The following ELMO1 variants were observed in gnomAD, a reference collection of about 807,000 sequenced individuals.
The protein encoded by ELMO1 is engulfment and cell motility protein 1.
Under a neutral mutation model 98.9 loss-of-function variants are expected in ELMO1, and 26 were observed. That is an observed-to-expected ratio of 0.26 (90% CI 0.19 to 0.36). The LOEUF (loss-of-function observed/expected upper bound fraction) is 0.36, where lower values mean the gene tolerates loss of function less well. ELMO1 is among the 10% of genes least tolerant of loss of function. ELMO1 has a pLI of 1.00. For missense variants in ELMO1, 627 were observed against 935.2 expected (o/e 0.67, Z 4.30); for synonymous variants, 346 against 346.0 (o/e 1.00, Z 0.00).
intron 2 of ELMO1, among the ~76,000 whole-genome samples, chr7:37,317,247 C>T (rs768207997): frequency 3.3e-5 from 5 of 152,178 alleles, no homozygotes; most frequent in Non-Finnish European, 7.3e-5. Context: ...CTGCTAAAGG[C>T]CCAGTTCAGT....
chr7:37,293,489 T>A (rs9638929), intron 4 of ELMO1, among the ~76,000 whole-genome samples: 14 of 102,074 alleles, frequency 1.4e-4, no homozygotes, highest in African/African-American at 3.6e-4. Flanking sequence ...GCGGTGCAAG[T>A]TGTGCTTTGT....
intron 16 of ELMO1, among the ~76,000 whole-genome samples, chr7:36,913,545 C>T (rs1033317764): frequency 3.3e-5 from 5 of 152,166 alleles, no homozygotes; most frequent in African/African-American, 1.2e-4. Flanking sequence ...TCTTACTGTC[C>T]TTACAGTAGA....
At chr7:37,158,424 T>C (rs560952610) in intron 13 of ELMO1, among the ~76,000 whole-genome samples, 3 of 152,254 alleles carry the variant, frequency 2.0e-5, no homozygotes, top group Non-Finnish European at 2.9e-5. Context: ...AAAGGACTAA[T>C]ATCCAGAATT....
intron 4 of ELMO1, among the ~76,000 whole-genome samples, chr7:37,314,568 A>G (rs1183863712): frequency 1.3e-5 from 2 of 152,218 alleles, no homozygotes; most frequent in Non-Finnish European, 2.9e-5. Context: ...ATTAAGTATC[A>G]AATAAATTCT....
intron 15 of ELMO1, among the ~76,000 whole-genome samples, chr7:37,053,282 TAAAACACAC>T (rs1206612544): frequency 3.6e-5 from 4 of 110,322 alleles, no homozygotes; most frequent in Non-Finnish European, 5.5e-5. Context: ...TTTCATTTGT[TAAAACACAC>T]ACACACACAC....
intron 16 of ELMO1, among the ~76,000 whole-genome samples, chr7:36,936,533 C>T (rs377340318): frequency 1.3e-5 from 2 of 152,184 alleles, no homozygotes; most frequent in South Asian, 2.1e-4. Flanking sequence ...TCATGGCTCA[C>T]TGCAGCCTCC....
chr7:37,302,391 C>A (rs921478483), intron 4 of ELMO1, among the ~76,000 whole-genome samples: 1 of 152,046 alleles, frequency 6.6e-6, no homozygotes, highest in Non-Finnish European at 1.5e-5. Context: ...TAGGTCATAA[C>A]GAGCCATGCA....
At chr7:36,879,518 C>T (rs1169412942) in intron 18 of ELMO1, among the ~76,000 whole-genome samples, 1 of 152,154 alleles carries the variant, frequency 6.6e-6, no homozygotes, top group African/African-American at 2.4e-5. Context: ...CACTGCAAAC[C>T]CATGGTTTAA....
chr7:36,942,460 C>T (rs1787123962), intron 16 of ELMO1, among the ~76,000 whole-genome samples: 1 of 152,196 alleles, frequency 6.6e-6, no homozygotes, highest in South Asian at 2.1e-4. Context: ...TGTAGTGAGG[C>T]TTAAAAGCAA....
intron 13 of ELMO1, among the ~76,000 whole-genome samples, chr7:37,148,371 T>C (rs1319607494): frequency 6.6e-6 from 1 of 152,218 alleles, no homozygotes; most frequent in Non-Finnish European, 1.5e-5. Context: ...AGGCAAACTT[T>C]CCTAGTTAAA....
chr7:37,278,964 G>C (rs1409519703), intron 4 of ELMO1, among the ~76,000 whole-genome samples: 5 of 152,112 alleles, frequency 3.3e-5, no homozygotes, highest in African/African-American at 1.2e-4. Context: ...CACTTTGGGA[G>C]GCCCAGGCCG....
At chr7:37,120,735 C>T (rs910631338) in intron 14 of ELMO1, among the ~76,000 whole-genome samples, 2 of 152,194 alleles carry the variant, frequency 1.3e-5, no homozygotes, top group African/African-American at 4.8e-5. Flanking sequence ...CAGAAATCTC[C>T]GCAGACTTAA....
At chr7:37,111,419 G>T (rs1785242985) in intron 14 of ELMO1, among the ~76,000 whole-genome samples, 1 of 152,210 alleles carries the variant, frequency 6.6e-6, no homozygotes, top group African/African-American at 2.4e-5. Flanking sequence ...AAGGCTTACA[G>T]GCCATAGACT....
chr7:36,856,149 C>T (rs1313681088), intron 21 of ELMO1, among the ~76,000 whole-genome samples: 1 of 152,202 alleles, frequency 6.6e-6, no homozygotes, highest in African/African-American at 2.4e-5. Flanking sequence ...CCGAACAGCC[C>T]TGGACTCAAC....
At chr7:37,247,895 A>ATGTGTGTGTGAGTGTGTGTGTG (rs142333290) in intron 6 of ELMO1, among the ~76,000 whole-genome samples, 145 of 146,642 alleles carry the variant, frequency 9.9e-4, no homozygotes, top group African/African-American at 3.4e-3. Flanking sequence ...TTGAAATAAA[A>ATGTGTGTGTGAGTGTGTGTGTG]TGTGTGTGTG....
chr7:37,218,088 G>A (rs1488035941), intron 10 of ELMO1, among the ~76,000 whole-genome samples: 1 of 152,122 alleles, frequency 6.6e-6, no homozygotes, highest in Non-Finnish European at 1.5e-5. Flanking sequence ...AAGGCCCACT[G>A]GTGGTGGTTT....
chr7:37,195,287 G>T (rs2130230842), intron 13 of ELMO1, among the ~76,000 whole-genome samples: 1 of 152,330 alleles, frequency 6.6e-6, no homozygotes, highest in Non-Finnish European at 1.5e-5. Context: ...TCATCTTTGT[G>T]ACTAGAGAGA....
chr7:37,214,869 CACTGAAGCAA>C (rs1282126852), intron 11 of ELMO1, among the ~76,000 whole-genome samples: 7 of 152,158 alleles, frequency 4.6e-5, no homozygotes, highest in African/African-American at 1.7e-4. Flanking sequence ...CAAGAAGTCC[CACTGAAGCAA>C]ACTGATTTTT....
chr7:37,153,021 A>C (rs990084539), intron 13 of ELMO1, among the ~76,000 whole-genome samples: 1 of 152,172 alleles, frequency 6.6e-6, no homozygotes, highest in African/African-American at 2.4e-5. Context: ...TCAGAGAAGG[A>C]GTGAGGGGCA....
Sources: gnomAD v4.1 joint callset for allele counts (sites outside exome capture counted in the v4.1 genomes callset) on GRCh38, gnomAD v4.1.1 for gene constraint, MANE v1.5 for transcripts, NCBI Gene and HGNC (gene_info 2026-07-23, HGNC 2026-07-21) for gene names.